Variants in SPTB observed in about 807,000 individuals in gnomAD.
SPTB encodes the protein spectrin beta chain, erythrocytic.
A neutral mutation model predicts 256.2 loss-of-function variants in SPTB; 45 were observed. The observed-to-expected ratio is 0.18, with a 90% CI of 0.14 to 0.23. The LOEUF (loss-of-function observed/expected upper bound fraction) is 0.23, where lower values mean the gene tolerates loss of function less well. Among genes scored for constraint, SPTB ranks in the 10% least tolerant of loss-of-function variants. The pLI is 1.00. For synonymous variants in SPTB, 1,231 were observed against 1,243.1 expected (o/e 0.99, Z 0.21); for missense variants, 2,715 against 3,040.4 (o/e 0.89, Z 2.52).
Position 64,750,128 on chromosome 14 carries a change from A to T in SPTB, c.6629T>A (p.Leu2210His), listed in dbSNP as rs758732406. The T allele has an allele frequency of 6.2e-7, 1 of 1,614,012 alleles. No individual in the cohort carries two copies. The highest frequency in any genetic ancestry group is 8.5e-7 in the Non-Finnish European group (1 of 1,180,006). The change falls in exon 34 of 36, where the codon CTC becomes CAC. Residue 2210 changes from leucine (L) to histidine (H), a missense_variant. By Grantham distance (99) the Leu-to-His change is moderately conservative (BLOSUM62 -3). This residue lies in a region of SPTB where 2,239 missense variants were observed against 2,384.4 expected (regional missense o/e 0.94). Coordinates refer to ENST00000644917, the MANE Select transcript of SPTB (RefSeq NM_001355436.2). ...NRSWNNLYCV[L>H]RNSELTFYKD... Reference sequence around the variant, plus strand: ...GTAGAAGGTTAGCTCACTGTTCCTGAGCACACAGTACAGGTTGTTCCAGGA... The same window carrying T: ...GTAGAAGGTTAGCTCACTGTTCCTGTGCACACAGTACAGGTTGTTCCAGGA...
Position 64,764,714 on chromosome 14 carries a change from GAC to G in SPTB, c.6345+2010_6345+2011del. On this transcript the variant is annotated intron_variant, in intron 32 of 35. Transcript: ENST00000644917. The surrounding 1 kb of genome is among the most constrained non-coding windows in gnomAD (Gnocchi z 4.2). ...GCACACCAGGACACCGCCACATGCA[GAC>G]ACACAGGGACGCATGGCAGAAGCAG... 6.6e-6 allele frequency among the ~76,000 whole-genome samples: 1 copy of G among 152,206 alleles called. No individual in the cohort carries two copies. Among genetic ancestry groups the G allele is most frequent in the East Asian group, 1.9e-4 (1 of 5,178 alleles).
At position 64,775,351 on chromosome 14, in the gene SPTB, T is replaced by C; in HGVS notation, c.4616A>G (p.Gln1539Arg). 1 of 1,613,476 alleles carries C rather than the reference T, an allele frequency of 6.2e-7. No individual in the cohort carries two copies. Among genetic ancestry groups the C allele is most frequent in the Non-Finnish European group, 8.5e-7 (1 of 1,179,698 alleles). The change falls in exon 23 of 36, where the codon CAG becomes CGG. Residue 1539 changes from glutamine to arginine, a missense_variant. Gln to Arg is a conservative substitution (Grantham distance 43, BLOSUM62 1). Coordinates refer to ENST00000644917, the MANE Select transcript of SPTB (RefSeq NM_001355436.2). This position sits in a 1 kb window ranked among gnomAD's most constrained non-coding sequence, Gnocchi z 5.0. ...GHTPRVEDVLQRGQQLVEAAE... is the reference protein window; with the variant it reads ...GHTPRVEDVLRRGQQLVEAAE... ...CGCCTCCACCAGCTGCTGCCCTCTC[T>C]GCAGCACATCCTCAACCCGCGGCGT...
intron 8 of SPTB, among the ~76,000 whole-genome samples, chr14:64,800,200 A>C (rs903660274): frequency 6.6e-5 from 10 of 152,192 alleles, no homozygotes; most frequent in African/African-American, 2.4e-4. Flanking sequence ...AGTGCTAGAG[A>C]AGATTGGTAA....
chr14:64,818,313 C>T (rs1392888675), intron 2 of SPTB, among the ~76,000 whole-genome samples: 1 of 152,234 alleles, frequency 6.6e-6, no homozygotes, highest in Non-Finnish European at 1.5e-5. Context: ...CTGCGAGATG[C>T]CTCTGTGAGC....
At chr14:64,849,146 C>T (rs925871405) in intron 1 of SPTB, among the ~76,000 whole-genome samples, 2 of 152,128 alleles carry the variant, frequency 1.3e-5, no homozygotes, top group African/African-American at 2.4e-5. Context: ...AGTTTTGCTG[C>T]AAAAATAATA....
chr14:64,767,521 T>C, intron 30 of SPTB, 142 bp downstream of exon 30: 1 of 1,368,200 alleles, frequency 7.3e-7, no homozygotes, highest in Non-Finnish European at 1.0e-6. Context: ...TCCTGCCACT[T>C]GTCTTTCCTT....
At chr14:64,753,163 C>CCCT (rs1481701332) in intron 33 of SPTB, among the ~76,000 whole-genome samples, 2 of 152,162 alleles carry the variant, frequency 1.3e-5, no homozygotes, top group Non-Finnish European at 2.9e-5. Context: ...AGCTACCTAT[C>CCCT]CCTAGCCCTG....
chr14:64,799,829 G>T lies in SPTB; in HGVS notation c.982C>A (p.Arg328Ser). 1 of 1,614,230 alleles carries T rather than the reference G, an allele frequency of 6.2e-7. No individual in the cohort carries two copies. Among genetic ancestry groups the T allele is most frequent in the Non-Finnish European group, 8.5e-7 (1 of 1,180,034 alleles). ...IEQTITVLNSRKFANSLTGVQ... is the reference protein window; with the variant it reads ...IEQTITVLNSSKFANSLTGVQ... ...CCCGTCAGCGAGTTGGCAAACTTGC[G>T]GCTGTTCAGGACAGTGATGGTCTGC... Residue 328 changes from arginine (R) to serine (S), a missense_variant, in exon 9 of 36, where the codon CGC (arginine) becomes AGC (serine). By Grantham distance (110) the Arg-to-Ser change is moderately radical. This residue lies in a region of SPTB where 416 missense variants were observed against 571.1 expected (regional missense o/e 0.73). Coordinates refer to ENST00000644917, the MANE Select transcript of SPTB (RefSeq NM_001355436.2).
chr14:64,810,189 G>T (rs1374532815), intron 2 of SPTB, among the ~76,000 whole-genome samples: 1 of 152,116 alleles, frequency 6.6e-6, no homozygotes, highest in Non-Finnish European at 1.5e-5. Context: ...GACAGAAATA[G>T]TCCCAGTACA....
intron 1 of SPTB, among the ~76,000 whole-genome samples, chr14:64,833,958 G>T (rs180688889): frequency 6.6e-6 from 1 of 152,114 alleles, no homozygotes; most frequent in Non-Finnish European, 1.5e-5. Flanking sequence ...CAGTAGCACC[G>T]TGAATTCATC....
rs747944201 is a variant in SPTB, at chr14:64,758,148, A to C, written c.6346-4355T>G. On this transcript the variant is annotated intron_variant, in intron 32 of 35. Transcript: ENST00000644917. This position sits in a 1 kb window ranked among gnomAD's most constrained non-coding sequence, Gnocchi z 4.6. ...TTCTTATGATCCTTCACCCCTCCCT[A>C]TCCACCCCTGCCTCCCTGGGGCTTT... 9.2e-5 allele frequency among the ~76,000 whole-genome samples: 14 copies of C among 152,136 alleles called. No individual in the cohort carries two copies. The highest frequency in any genetic ancestry group is 2.1e-4 in the Non-Finnish European group (14 of 68,034).
intron 15 of SPTB, among the ~76,000 whole-genome samples, chr14:64,788,540 G>A (rs933284962): frequency 1.3e-5 from 2 of 152,168 alleles, no homozygotes. Context: ...GCACACAGAT[G>A]GTGCTCTGAG....
At position 64,792,118 on chromosome 14, in the gene SPTB, G is replaced by A. The variant is rs1426993758; in HGVS notation, c.2667-262C>T. Among the ~76,000 whole-genome samples the A allele has an allele frequency of 6.6e-6, 1 of 152,210 alleles. No homozygotes were observed. The highest frequency in any genetic ancestry group is 1.5e-5 in the Non-Finnish European group (1 of 68,036). ...TCCTACACGGGCTTCTGGCTCAAGA[G>A]AGACATATGAAGGGGAGGGAGGGCT... On this transcript the variant is annotated intron_variant, in intron 14 of 35. Transcript: ENST00000644917. This position sits in a 1 kb window ranked among gnomAD's most constrained non-coding sequence, Gnocchi z 4.2.
rs536835229 is a variant in SPTB at position 64,871,317 on chromosome 14, CA to C, written c.-52+8474del. On this transcript the variant is annotated intron_variant, in intron 1 of 35. Coordinates refer to ENST00000644917, the MANE Select transcript of SPTB (RefSeq NM_001355436.2). ...TCAGGACTCAGTAAGCAGAAGTGGA[CA>C]AACTTAGTTTAAGTAGAGGGTTTGT... Among the ~76,000 whole-genome samples, 402 of 151,930 alleles carry C rather than the reference CA, an allele frequency of 2.6e-3. 2 individuals are homozygous for C. Among genetic ancestry groups the C allele is most frequent in the African/African-American group, 9.4e-3 (389 of 41,420 alleles).
Position 64,866,303 on chromosome 14 carries a change from A to G in SPTB, c.-52+13489T>C, listed in dbSNP as rs535508503. On this transcript the variant is annotated intron_variant, in intron 1 of 35. Transcript: ENST00000644917. The surrounding 1 kb of genome is among the most constrained non-coding windows in gnomAD (Gnocchi z 4.6). ...CGAGTTTGCTGACTGTTGTCTGCTT[A>G]TCGCTGGCCTCAGGACACCCGTAAG... Among the ~76,000 whole-genome samples, 1 of 152,278 alleles carries G rather than the reference A, an allele frequency of 6.6e-6. No homozygotes were observed. The highest frequency in any genetic ancestry group is 2.1e-4 in the South Asian group (1 of 4,822).
Position 64,818,310 on chromosome 14 carries a change from A to G in SPTB, c.148+4637T>C, listed in dbSNP as rs575392880. Among the ~76,000 whole-genome samples the G allele has an allele frequency of 7.9e-5, 12 of 152,336 alleles. No individual in the cohort carries two copies. The East Asian group carries it at 2.3e-3, about 29-fold the overall frequency. On this transcript the variant is annotated intron_variant, in intron 2 of 35. Coordinates refer to ENST00000644917, the MANE Select transcript of SPTB (RefSeq NM_001355436.2). ...TCCGGACTGCTCCCTGCACTGCGAG[A>G]TGCCTCTGTGAGCCGAGGAGCTGTA... is the stretch of plus-strand genomic sequence containing the variant.
Position 64,791,800 on chromosome 14 carries a change from T to C in SPTB, c.2723A>G (p.Asn908Ser), listed in dbSNP as rs750079421. Residue 908 changes from asparagine to serine, a missense_variant, in exon 15 of 36, where the codon AAC becomes AGC. Asn to Ser is a conservative substitution (Grantham distance 46). Transcript: ENST00000644917. The part of the protein sequence containing the change: ...KTLMTQIDGV[N>S]LAANSLVESG... ...CTCTACCAAGCTGTTGGCAGCGAGG[T>C]TCACACCATCAATCTGAGTCATCAA... 51 of 1,614,014 alleles carry C rather than the reference T, an allele frequency of 3.2e-5. No individual in the cohort carries two copies. The highest frequency in any genetic ancestry group is 4.1e-5 in the Non-Finnish European group (48 of 1,180,040).
At chr14:64,833,418 GC>G (rs1208771200) in intron 1 of SPTB, among the ~76,000 whole-genome samples, 1 of 152,054 alleles carries the variant, frequency 6.6e-6, no homozygotes, top group Non-Finnish European at 1.5e-5. Context: ...GGGCATGGTG[GC>G]GCACACCTGT....
At chr14:64,752,037 T>C (rs2081959335) in intron 33 of SPTB, among the ~76,000 whole-genome samples, 1 of 150,946 alleles carries the variant, frequency 6.6e-6, no homozygotes, top group Non-Finnish European at 1.5e-5. Flanking sequence ...GAGGTTGCAG[T>C]GAGCCAAAAT....
Sources: gnomAD v4.1 joint callset for allele counts (sites outside exome capture counted in the v4.1 genomes callset) on GRCh38, gnomAD v4.1.1 for gene constraint, gnomAD v4.1.1 regional missense constraint, Gnocchi (gnomAD v3.1) non-coding constraint, MANE v1.5 for transcripts, NCBI Gene and HGNC (gene_info 2026-07-23, HGNC 2026-07-21) for gene names.